The following ASIC2 variants were observed in gnomAD, a reference collection of about 807,000 sequenced individuals.
The protein encoded by ASIC2 is acid-sensing ion channel 2.
Under a neutral mutation model 57.3 loss-of-function variants are expected in ASIC2, and 25 were observed. The ratio of observed to expected loss-of-function variants is 0.44; its 90% CI spans 0.32 to 0.61. The LOEUF is 0.61. Ranked by LOEUF, ASIC2 falls within the 20% of genes least tolerant of loss-of-function variation. The pLI is 0.06. For missense variants in ASIC2, 641 were observed against 738.1 expected (o/e 0.87, Z 1.52); for synonymous variants, 319 against 307.5 (o/e 1.04, Z -0.39).
chr17:33,292,830 G>T lies in ASIC2; in HGVS notation c.-715C>A. 1 of 985,598 alleles carries T rather than the reference G, an allele frequency of 1.0e-6. No individual in the cohort carries two copies. Among genetic ancestry groups the T allele is most frequent in the Non-Finnish European group, 1.2e-6 (1 of 830,074 alleles). The allele number at this position is 985,598 out of a possible 1,614,324, so 61.1% of individuals were successfully genotyped here. On this transcript the variant is annotated 5_prime_UTR_variant, in exon 1 of 10. Transcript: ENST00000225823. Reference sequence around the variant, plus strand: ...GCTGCGCTCGGCAGAGACCTGCTTAGGCTTCCCCAAGTCCTGCGCCTAAGT... The same window carrying T: ...GCTGCGCTCGGCAGAGACCTGCTTATGCTTCCCCAAGTCCTGCGCCTAAGT...
At chr17:34,019,030 C>T (rs903492623) in intron 1 of ASIC2, among the ~76,000 whole-genome samples, 2 of 152,144 alleles carry the variant, frequency 1.3e-5, no homozygotes, top group African/African-American at 4.8e-5. Flanking sequence ...GCCTCAGCCT[C>T]CCGAGTAGCT....
intron 1 of ASIC2, among the ~76,000 whole-genome samples, chr17:33,686,039 G>A (rs964327912): frequency 1.3e-5 from 2 of 152,142 alleles, no homozygotes; most frequent in Admixed American, 6.6e-5. Context: ...CCCACTTGAC[G>A]ACAGTGTTCA....
intron 1 of ASIC2, among the ~76,000 whole-genome samples, chr17:33,879,893 G>T (rs178441): frequency 2.0e-5 from 3 of 151,960 alleles, no homozygotes; most frequent in African/African-American, 7.3e-5. Flanking sequence ...AACAGAAATT[G>T]TAACAAACTG....
chr17:33,538,677 C>T (rs1432555967), intron 1 of ASIC2, among the ~76,000 whole-genome samples: 2 of 152,204 alleles, frequency 1.3e-5, no homozygotes, highest in African/African-American at 4.8e-5. Flanking sequence ...GATCTGTTAT[C>T]CCCTCTTTGT....
At chr17:33,363,963 T>C (rs958609634) in intron 1 of ASIC2, among the ~76,000 whole-genome samples, 3 of 152,212 alleles carry the variant, frequency 2.0e-5, no homozygotes, top group African/African-American at 7.2e-5. Flanking sequence ...GTTGCTAGTC[T>C]TCTTTCCTCA....
chr17:33,643,528 A>G (rs1245856526), intron 1 of ASIC2, among the ~76,000 whole-genome samples: 1 of 152,182 alleles, frequency 6.6e-6, no homozygotes, highest in Non-Finnish European at 1.5e-5. Flanking sequence ...GTTTTCCATA[A>G]ATGGGTGGAC....
chr17:33,982,794 T>G (rs1479849781), intron 1 of ASIC2, among the ~76,000 whole-genome samples: 1 of 152,256 alleles, frequency 6.6e-6, no homozygotes, highest in Non-Finnish European at 1.5e-5. Context: ...CATTACTTGA[T>G]AGCTATGTGA....
intron 1 of ASIC2, among the ~76,000 whole-genome samples, chr17:34,031,943 ATAT>A (rs1907632862): frequency 3.3e-5 from 5 of 152,364 alleles, no homozygotes; most frequent in Admixed American, 3.3e-4. Flanking sequence ...ACTCTGCAGG[ATAT>A]TATCCAGGAG....
intron 1 of ASIC2, among the ~76,000 whole-genome samples, chr17:33,877,756 A>G (rs1044891718): frequency 1.2e-4 from 18 of 152,212 alleles, no homozygotes; most frequent in African/African-American, 4.3e-4. Flanking sequence ...CTTTGAAGAG[A>G]GTAGTGGTTC....
At chr17:33,653,611 A>C (rs1323990113) in intron 1 of ASIC2, among the ~76,000 whole-genome samples, 1 of 152,124 alleles carries the variant, frequency 6.6e-6, no homozygotes, top group African/African-American at 2.4e-5. Context: ...CTCCCATCTC[A>C]GGCATTTGGT....
chr17:33,772,605 A>G (rs576102321), intron 1 of ASIC2, among the ~76,000 whole-genome samples: 23 of 152,350 alleles, frequency 1.5e-4, no homozygotes, highest in African/African-American at 5.1e-4. Context: ...ACCTATATAT[A>G]CATATGTGGT....
chr17:33,275,370 C>G (rs1411771130), intron 1 of ASIC2, among the ~76,000 whole-genome samples: 1 of 152,106 alleles, frequency 6.6e-6, no homozygotes, highest in Non-Finnish European at 1.5e-5. Context: ...CGCACTATAA[C>G]CTCAGTTCTC....
chr17:33,756,868 G>A (rs1202571213), intron 1 of ASIC2, among the ~76,000 whole-genome samples: 2 of 152,210 alleles, frequency 1.3e-5, no homozygotes, highest in African/African-American at 2.4e-5. Flanking sequence ...CAACACAGAC[G>A]TAGGGTCTTA....
At chr17:33,145,310 C>A (rs1904514793) in intron 1 of ASIC2, among the ~76,000 whole-genome samples, 1 of 152,232 alleles carries the variant, frequency 6.6e-6, no homozygotes, top group Admixed American at 6.5e-5. Context: ...ATTCTTGGCA[C>A]CACTGCAGCA....
At chr17:33,210,086 C>T (rs145115239) in intron 1 of ASIC2, among the ~76,000 whole-genome samples, 117 of 152,288 alleles carry the variant, frequency 7.7e-4, no homozygotes, top group African/African-American at 2.7e-3. Flanking sequence ...TTTACAGTCT[C>T]TGGGATCCAA....
intron 1 of ASIC2, among the ~76,000 whole-genome samples, chr17:34,010,066 C>T (rs181230851): frequency 6.6e-6 from 1 of 152,330 alleles, no homozygotes; most frequent in East Asian, 1.9e-4. Flanking sequence ...GGTTGTCACA[C>T]ATGAGTTTGA....
At chr17:33,890,567 A>T (rs1447920290) in intron 1 of ASIC2, among the ~76,000 whole-genome samples, 5 of 152,236 alleles carry the variant, frequency 3.3e-5, no homozygotes, top group Non-Finnish European at 2.9e-5. Context: ...CACCTTCACC[A>T]GCCATGGATA....
chr17:33,499,195 C>T (rs1035442247), intron 1 of ASIC2, among the ~76,000 whole-genome samples: 18 of 152,358 alleles, frequency 1.2e-4, no homozygotes, highest in Non-Finnish European at 1.8e-4. Flanking sequence ...TCTGGTCCAG[C>T]TGGGACTTTC....
intron 1 of ASIC2, among the ~76,000 whole-genome samples, chr17:33,772,784 G>T (rs1404791082): frequency 6.6e-6 from 1 of 152,180 alleles, no homozygotes; most frequent in South Asian, 2.1e-4. Flanking sequence ...GGAGGCTTGG[G>T]CTTCCTATCA....
Sources: allele counts gnomAD v4.1 joint callset (sites outside exome capture counted in the v4.1 genomes callset), GRCh38; gene constraint gnomAD v4.1.1; transcripts MANE v1.5; gene names NCBI Gene and HGNC (gene_info 2026-07-23, HGNC 2026-07-21).